The following TAB1 variants were observed in gnomAD, a reference collection of about 807,000 sequenced individuals.
The protein encoded by TAB1 is TGF-beta activated kinase 1 (MAP3K7) binding protein 1, also known as TGF-beta-activated kinase 1 and MAP3K7-binding protein 1.
Under a neutral mutation model 54.5 loss-of-function variants are expected in TAB1, and 30 were observed. The observed-to-expected ratio is 0.55, with a 90% CI of 0.41 to 0.75. The LOEUF (loss-of-function observed/expected upper bound fraction) is 0.75. Among genes scored for constraint, TAB1 ranks in the 30% least tolerant of loss-of-function variants. TAB1 has a pLI of 0.00. For missense variants in TAB1, 609 were observed against 683.2 expected (o/e 0.89, Z 1.21); for synonymous variants, 289 against 286.9 (o/e 1.01, Z -0.07).
chr22:39,419,850 T>C (rs1199130989), intron 7 of TAB1, among the ~76,000 whole-genome samples: 1 of 150,904 alleles, frequency 6.6e-6, no homozygotes, highest in Non-Finnish European at 1.5e-5. Context: ...GTGACACATG[T>C]GCAGTCAAAG....
At chr22:39,401,452 C>T (rs1926140547) in intron 1 of TAB1, among the ~76,000 whole-genome samples, 2 of 152,232 alleles carry the variant, frequency 1.3e-5, no homozygotes, top group South Asian at 4.1e-4. Context: ...ATAACTGTCC[C>T]CACTCTAGTT....
intron 1 of TAB1, among the ~76,000 whole-genome samples, chr22:39,407,727 C>T (rs1017233551): frequency 3.3e-5 from 5 of 151,856 alleles, no homozygotes; most frequent in South Asian, 2.1e-4. Context: ...CCTCGTGATT[C>T]GCCGGTCTCG....
At chr22:39,414,901 T>G in intron 1 of TAB1, 105 bp from the exon 2 acceptor site, 1 of 1,330,622 alleles carries the variant, frequency 7.5e-7, no homozygotes, top group Non-Finnish European at 1.1e-6. Context: ...ACCCTCTGTG[T>G]AGGGCTGCGG....
At chr22:39,414,836 C>T in intron 1 of TAB1, 170 bp from the exon 2 acceptor site, 1 of 666,326 alleles carries the variant, frequency 1.5e-6, no homozygotes, top group Non-Finnish European at 2.4e-6. Context: ...AAACAGCAAA[C>T]CCTTCTGCAG....
intron 5 of TAB1, among the ~76,000 whole-genome samples, chr22:39,418,237 A>ACAGGTG (rs1344977882): frequency 6.6e-6 from 1 of 152,188 alleles, no homozygotes; most frequent in Non-Finnish European, 1.5e-5. Context: ...AGAAGACCAG[A>ACAGGTG]CAGGTGCAGG....
chr22:39,417,305 G>C (rs1196878759), intron 4 of TAB1, among the ~76,000 whole-genome samples: 1 of 152,188 alleles, frequency 6.6e-6, no homozygotes, highest in Non-Finnish European at 1.5e-5. Context: ...CTGTCCCCCG[G>C]GCCCTCGGAT....
At chr22:39,434,412 G>A (rs1927709373), downstream of TAB1, among the ~76,000 whole-genome samples, 1 of 152,274 alleles carries the variant, frequency 6.6e-6, no homozygotes, top group Non-Finnish European at 1.5e-5. Flanking sequence ...GACAGGGGCT[G>A]TGGGCCAAGC....
chr22:39,409,185 G>T (rs907085184), intron 1 of TAB1, among the ~76,000 whole-genome samples: 1 of 152,168 alleles, frequency 6.6e-6, no homozygotes, highest in African/African-American at 2.4e-5. Flanking sequence ...GAAGACATGG[G>T]ATACTCCTGA....
chr22:39,421,783 G>A (rs542822866), intron 7 of TAB1, 44 bp from the exon 8 acceptor site: 17 of 1,610,066 alleles, frequency 1.1e-5, no homozygotes, highest in African/African-American at 1.3e-5. Context: ...ATCCACCTGC[G>A]GGCTGTTCCA....
At chr22:39,403,639 T>TC (rs1038683837) in intron 1 of TAB1, among the ~76,000 whole-genome samples, 3 of 93,854 alleles carry the variant, frequency 3.2e-5, no homozygotes, top group African/African-American at 9.8e-5. Context: ...GAAAAATCCC[T>TC]CTTTTTTTTT....
At chr22:39,436,660 C>T, downstream of TAB1, 4 of 1,093,318 alleles carry the variant, frequency 3.7e-6, no homozygotes, top group Non-Finnish European at 5.6e-6. Context: ...CTGGGATCTT[C>T]TCGTGCCAGG....
intron 4 of TAB1, 112 bp from the exon 5 acceptor site, chr22:39,417,599 G>T (rs986155392): frequency 1.8e-5 from 20 of 1,108,662 alleles, no homozygotes; most frequent in Admixed American, 5.3e-5. Context: ...GTAGCCTGGG[G>T]GACACAGCGA....
chr22:39,416,835 C>T lies in TAB1; in HGVS notation c.369C>T (p.Asp123=), dbSNP rs202132585. ...VERSFLESID[D]ALAEKASLQS... ...GGAGCTTCCTGGAGTCCATTGACGA[C>T]GCCTTGGCTGAGAAGGCAAGCCTCC... The change falls in exon 4 of 11, where the codon GAC becomes GAT. Residue 123 remains aspartate, a synonymous_variant. Coordinates refer to ENST00000216160, the MANE Select transcript of TAB1 (RefSeq NM_006116.3). 98 of 1,614,192 alleles carry T rather than the reference C, an allele frequency of 6.1e-5. No homozygotes were observed. Among genetic ancestry groups the T allele is most frequent in the Non-Finnish European group, 7.7e-5 (91 of 1,180,034 alleles).
intron 8 of TAB1, among the ~76,000 whole-genome samples, chr22:39,425,004 A>G (rs565047193): frequency 1.3e-5 from 2 of 152,118 alleles, no homozygotes; most frequent in Non-Finnish European, 2.9e-5. Context: ...AAAGTGATAC[A>G]TATTCAGTGG....
rs1216472585 is a variant in TAB1 at position 39,418,830 on chromosome 22, C to T, written c.649C>T (p.Arg217Cys). The T allele has an allele frequency of 2.5e-6, 4 of 1,613,762 alleles. No individual in the cohort carries two copies. Among genetic ancestry groups the T allele is most frequent in the Admixed American group, 1.7e-5 (1 of 60,018 alleles). Residue 217 changes from arginine to cysteine, a missense_variant, in exon 6 of 11, where the codon CGT becomes TGT. Arg to Cys is a radical substitution (Grantham distance 180). Coordinates refer to ENST00000216160, the MANE Select transcript of TAB1 (RefSeq NM_006116.3). ...CACAGAGAACGAGGATGAGCTCTTC[C>T]GTCTTTCGCAGCTGGGTGAGTGGGG... ...HTTENEDELF[R>C]LSQLGLDAGK...
intron 7 of TAB1, among the ~76,000 whole-genome samples, chr22:39,421,538 C>G (rs1198242489): frequency 6.6e-6 from 1 of 152,190 alleles, no homozygotes; most frequent in Non-Finnish European, 1.5e-5. Context: ...CTGCCACCAC[C>G]GGACCCTGTG....
intron 1 of TAB1, among the ~76,000 whole-genome samples, chr22:39,406,582 T>C (rs1269006514): frequency 1.3e-5 from 2 of 152,050 alleles, no homozygotes; most frequent in Non-Finnish European, 2.9e-5. Flanking sequence ...TGGGTACTTT[T>C]ACATATGCTC....
intron 8 of TAB1, among the ~76,000 whole-genome samples, chr22:39,424,753 T>C (rs2145679084): frequency 6.6e-6 from 1 of 152,250 alleles, no homozygotes; most frequent in Middle Eastern, 3.4e-3. Flanking sequence ...CAGCCTGTGT[T>C]CTGATTTCTT....
intron 4 of TAB1, 90 bp from the exon 5 acceptor site, chr22:39,417,621 A>C: frequency 1.3e-5 from 3 of 229,294 alleles, no homozygotes; most frequent in Non-Finnish European, 2.2e-5. Context: ...ACTCCATCTC[A>C]AAAAAAAAAA....
Sources: allele counts gnomAD v4.1 joint callset (sites outside exome capture counted in the v4.1 genomes callset), GRCh38; gene constraint gnomAD v4.1.1; transcripts MANE v1.5; gene names NCBI Gene and HGNC (gene_info 2026-07-23, HGNC 2026-07-21).